VWA8: variants seen among roughly 807,000 people sequenced by gnomAD.
The protein encoded by VWA8 is von Willebrand factor A domain-containing protein 8.
A neutral mutation model predicts 241.5 loss-of-function variants in VWA8; 221 were observed. The ratio of observed to expected loss-of-function variants is 0.91; its 90% CI spans 0.82 to 1.02. The LOEUF (loss-of-function observed/expected upper bound fraction) is 1.02, where lower values mean the gene tolerates loss of function less well. Ranked by LOEUF, VWA8 falls within the 50% of genes least tolerant of loss-of-function variation. VWA8 has a pLI of 0.00. For missense variants in VWA8, 2,322 were observed against 2,328.7 expected (o/e 1.00, Z 0.06); for synonymous variants, 852 against 827.1 (o/e 1.03, Z -0.52).
intron 21 of VWA8, among the ~76,000 whole-genome samples, chr13:41,748,176 C>A (rs1224715778): frequency 1.3e-5 from 2 of 152,174 alleles, no homozygotes; most frequent in African/African-American, 4.8e-5. Context: ...AGGAATGGTA[C>A]CAGCTCCTCC....
At chr13:41,782,634 G>A (rs919305677) in intron 19 of VWA8, among the ~76,000 whole-genome samples, 1 of 151,818 alleles carries the variant, frequency 6.6e-6, no homozygotes, top group Non-Finnish European at 1.5e-5. Context: ...TCTTTTCTAC[G>A]ACATAAAAAA....
rs770228498 is a variant in VWA8, at chr13:41,590,759, C to T, written c.4993G>A (p.Gly1665Ser). 4.3e-6 allele frequency: 7 copies of T among 1,613,836 alleles called. No individual in the cohort carries two copies. In the East Asian group the frequency reaches 8.9e-5, roughly 21 times the overall value. ...RIILDNLQAK[G>S]KERQWLRHQA... is the part of the protein sequence containing the mutation. ...TGTCTTAGCCATTGTCTTTCTTTAC[C>T]TTTAGCCTACAAAAGACACACATAC... The change falls in exon 41 of 45, where the codon GGT becomes AGT. Residue 1665 changes from glycine to serine, a missense_variant. Gly to Ser is a moderately conservative substitution (Grantham distance 56). Transcript: ENST00000379310.
At chr13:41,707,486 G>A (rs1213815175) in intron 26 of VWA8, among the ~76,000 whole-genome samples, 1 of 152,144 alleles carries the variant, frequency 6.6e-6, no homozygotes, top group Admixed American at 6.5e-5. Flanking sequence ...ACCCTTCAGG[G>A]CTGTTCCAAC....
chr13:41,857,089 C>G (rs189058695), intron 12 of VWA8, among the ~76,000 whole-genome samples: 4 of 152,096 alleles, frequency 2.6e-5, no homozygotes, highest in African/African-American at 9.7e-5. Flanking sequence ...GCTTTCAATT[C>G]TCTTTTGAAG....
At chr13:41,912,961 G>T (rs1876081343) in intron 2 of VWA8, among the ~76,000 whole-genome samples, 1 of 152,038 alleles carries the variant, frequency 6.6e-6, no homozygotes, top group Admixed American at 6.6e-5. Context: ...TCATAACCTT[G>T]TACATCAAGA....
At position 41,885,674 on chromosome 13, in the gene VWA8, C is replaced by T. The variant is rs61963099; in HGVS notation, c.975+246G>A. Among the ~76,000 whole-genome samples, 6 of 152,274 alleles carry T rather than the reference C, an allele frequency of 3.9e-5. No individual in the cohort carries two copies. The East Asian group carries it at 1.2e-3, about 29-fold the overall frequency. Reference sequence around the variant, plus strand: ...CTTGATCAGGCTAAAGCCTTCCTTCCCTCTGTAGAACTTTACTGAGATTGC... The same window carrying T: ...CTTGATCAGGCTAAAGCCTTCCTTCTCTCTGTAGAACTTTACTGAGATTGC... On this transcript the variant is annotated intron_variant, in intron 8 of 44. Coordinates refer to ENST00000379310, the MANE Select transcript of VWA8 (RefSeq NM_015058.2).
rs1868904186 is a variant in VWA8, at chr13:41,781,916, T to C, written c.2277+1879A>G. On this transcript the variant is annotated intron_variant, in intron 19 of 44. Coordinates refer to ENST00000379310, the MANE Select transcript of VWA8 (RefSeq NM_015058.2). ...TTTAAAAGTCCATTTCAACACAATG[T>C]GGTAAGGACACAACAGGGCATAGGA... 3.3e-5 allele frequency among the ~76,000 whole-genome samples: 5 copies of C among 152,184 alleles called. No homozygotes were observed. In the South Asian group the frequency reaches 8.3e-4, roughly 25 times the overall value.
chr13:41,841,734 G>A (rs758329769), intron 12 of VWA8, among the ~76,000 whole-genome samples: 6 of 131,120 alleles, frequency 4.6e-5, no homozygotes, highest in African/African-American at 1.2e-4. Flanking sequence ...GCAGTGAGCC[G>A]AGATCGCGCC....
In VWA8 at chr13:41,597,516, C is replaced by G. The variant is rs1040670129; in HGVS notation, c.4987-6751G>C. Among the ~76,000 whole-genome samples the G allele has an allele frequency of 2.0e-5, 3 of 151,990 alleles. No individual in the cohort carries two copies. The South Asian group carries it at 6.2e-4, about 32-fold the overall frequency. ...AGTAATATCTCATTGCAAAGGAAAACGGTGAATCATCTATGGTGATTCTCA... is the reference window on the plus strand; with the variant it reads ...AGTAATATCTCATTGCAAAGGAAAAGGGTGAATCATCTATGGTGATTCTCA... On this transcript the variant is annotated intron_variant, in intron 40 of 44. Transcript: ENST00000379310.
At chr13:41,835,624 T>C (rs1871688311) in intron 12 of VWA8, among the ~76,000 whole-genome samples, 1 of 152,078 alleles carries the variant, frequency 6.6e-6, no homozygotes, top group South Asian at 2.1e-4. Flanking sequence ...ACCAAAGGGA[T>C]CGCTCTCTAG....
At chr13:41,753,371 A>G (rs771110705) in intron 21 of VWA8, among the ~76,000 whole-genome samples, 16 of 152,142 alleles carry the variant, frequency 1.1e-4, no homozygotes, top group Non-Finnish European at 1.9e-4. Context: ...TAAAATTTTA[A>G]TTTTAGACAT....
At chr13:41,571,315 C>CTCTCCCTCCTCCCTCTCCCTCTCCCG (rs1566370831) in intron 43 of VWA8, among the ~76,000 whole-genome samples, 1 of 105,854 alleles carries the variant, frequency 9.4e-6, no homozygotes, top group African/African-American at 3.6e-5. Context: ...TCCCTCCTCC[C>CTCTCCCTCCTCCCTCTCCCTCTCCCG]TCTCCCTCTC....
intron 12 of VWA8, among the ~76,000 whole-genome samples, chr13:41,854,712 AG>A (rs1872667111): frequency 6.6e-6 from 1 of 152,318 alleles, no homozygotes; most frequent in Admixed American, 6.5e-5. Context: ...AATGAAATAC[AG>A]TAGTTATTAC....
At chr13:41,954,122 T>C (rs1296831758) in intron 1 of VWA8, among the ~76,000 whole-genome samples, 1 of 151,848 alleles carries the variant, frequency 6.6e-6, no homozygotes, top group Non-Finnish European at 1.5e-5. Flanking sequence ...CTTCTGTTAC[T>C]ACACTACACT....
chr13:41,657,625 G>T (rs1030401368), intron 37 of VWA8, among the ~76,000 whole-genome samples: 12 of 151,942 alleles, frequency 7.9e-5, no homozygotes, highest in Non-Finnish European at 1.6e-4. Flanking sequence ...GAGTAGCTGG[G>T]ACTACAGGCG....
intron 20 of VWA8, among the ~76,000 whole-genome samples, chr13:41,765,417 T>C (rs1185403985): frequency 6.6e-6 from 1 of 152,206 alleles, no homozygotes; most frequent in Non-Finnish European, 1.5e-5. Flanking sequence ...TCAAGTTGCT[T>C]ACTACTTCAT....
rs577232520 is a variant in VWA8, at chr13:41,671,059, C to A, written c.4498G>T (p.Val1500Phe). The change falls in exon 37 of 45, where the codon GTT becomes TTT. Residue 1500 changes from valine to phenylalanine, a missense_variant. By Grantham distance (50) the Val-to-Phe change is conservative. Coordinates refer to ENST00000379310, the MANE Select transcript of VWA8 (RefSeq NM_015058.2). ...LLAEWDKSGV[V>F]TVDMGGHIRL... ...ATGTGACCTCCCATATCAACAGTAA[C>A]AACACCGCTTTTGTCCCACTCAGCC... is the stretch of plus-strand genomic sequence containing the variant. 8 of 1,613,996 alleles carry A rather than the reference C, an allele frequency of 5.0e-6. No homozygotes were observed. The South Asian group carries it at 7.7e-5, about 16-fold the overall frequency.
intron 24 of VWA8, among the ~76,000 whole-genome samples, chr13:41,726,724 G>A (rs1013619893): frequency 6.6e-6 from 1 of 152,180 alleles, no homozygotes; most frequent in Non-Finnish European, 1.5e-5. Flanking sequence ...GCCGGGCATG[G>A]TGGCTCACAT....
intron 12 of VWA8, among the ~76,000 whole-genome samples, chr13:41,851,254 C>T (rs1872522263): frequency 1.3e-5 from 2 of 151,990 alleles, no homozygotes; most frequent in East Asian, 1.9e-4. Context: ...AGGACTCCAG[C>T]AGCAAGCCAA....
Sources: gnomAD v4.1 joint callset for allele counts (sites outside exome capture counted in the v4.1 genomes callset) on GRCh38, gnomAD v4.1.1 for gene constraint, MANE v1.5 for transcripts, NCBI Gene and HGNC (gene_info 2026-07-23, HGNC 2026-07-21) for gene names.